ZNF804A: variants seen among roughly 807,000 people sequenced by gnomAD.
The protein encoded by ZNF804A is zinc finger protein 804A.
In ZNF804A, 2 loss-of-function variants were observed where a neutral mutation model predicts 16.5. The ratio of observed to expected loss-of-function variants is 0.12; its 90% CI spans 0.05 to 0.38. ZNF804A has a LOEUF of 0.38. Ranked by LOEUF, ZNF804A falls within the 10% of genes least tolerant of loss-of-function variation. The pLI, the probability that ZNF804A is intolerant of heterozygous loss-of-function variation, is 0.99. For synonymous variants in ZNF804A, 534 were observed against 489.6 expected (o/e 1.09, Z -1.20); for missense variants, 1,473 against 1,390.7 (o/e 1.06, Z -0.94).
intron 1 of ZNF804A, among the ~76,000 whole-genome samples, chr2:184,656,344 A>G (rs1692074022): frequency 6.6e-6 from 1 of 152,160 alleles, no homozygotes; most frequent in African/African-American, 2.4e-5. Context: ...GAGTGTTATT[A>G]CAGTGCATGG....
At chr2:184,633,048 C>T (rs1485454787) in intron 1 of ZNF804A, among the ~76,000 whole-genome samples, 2 of 152,176 alleles carry the variant, frequency 1.3e-5, no homozygotes, top group Non-Finnish European at 2.9e-5. Context: ...TGACAGCCCC[C>T]ACCCCACCCT....
At chr2:184,890,198 T>G (rs1684959003) in intron 2 of ZNF804A, among the ~76,000 whole-genome samples, 1 of 152,186 alleles carries the variant, frequency 6.6e-6, no homozygotes, top group Non-Finnish European at 1.5e-5. Context: ...TTTTTATAGC[T>G]GACTGGTAAT....
At chr2:184,715,144 C>G (rs1480477) in intron 1 of ZNF804A, among the ~76,000 whole-genome samples, 21,018 of 151,982 alleles carry the variant, frequency 0.14, 1,574 homozygotes, top group Middle Eastern at 0.23. Flanking sequence ...TTTTTGTAGT[C>G]TTCAGGATTC....
chr2:184,662,851 A>G (rs574856284), intron 1 of ZNF804A, among the ~76,000 whole-genome samples: 1 of 152,190 alleles, frequency 6.6e-6, no homozygotes. Context: ...TAATACATCA[A>G]GTATTTTTGA....
In ZNF804A at chr2:184,937,502, A is replaced by C. The variant is rs560810543; in HGVS notation, c.2106A>C (p.Gly702=). The C allele has an allele frequency of 1.9e-6, 3 of 1,612,482 alleles. No homozygotes were observed. In the East Asian group the frequency reaches 6.7e-5, roughly 36 times the overall value. ...HCKKNTILLN[G]QSNATMIHSG... ...AAAAGAACACAATACTTTTAAATGG[A>C]CAATCAAATGCAACAATGATACATT... The change falls in exon 4 of 4, where the codon GGA becomes GGC. Residue 702 remains glycine, a synonymous_variant. Transcript: ENST00000302277.
intron 1 of ZNF804A, among the ~76,000 whole-genome samples, chr2:184,855,484 A>G (rs1695671866): frequency 6.6e-6 from 1 of 152,020 alleles, no homozygotes; most frequent in Non-Finnish European, 1.5e-5. Context: ...TAACTTTTAT[A>G]GCATGTACTG....
chr2:184,886,519 C>A (rs1227378273), intron 2 of ZNF804A, among the ~76,000 whole-genome samples: 1 of 152,218 alleles, frequency 6.6e-6, no homozygotes, highest in Non-Finnish European at 1.5e-5. Context: ...ATCCCACATT[C>A]CCTTTCTGCA....
chr2:184,726,256 A>T (rs965242822), intron 1 of ZNF804A, among the ~76,000 whole-genome samples: 1 of 151,724 alleles, frequency 6.6e-6, no homozygotes, highest in Non-Finnish European at 1.5e-5. Flanking sequence ...CCAGCAATGT[A>T]TGAGTTTATC....
At chr2:184,810,288 T>C (rs1182366658) in intron 1 of ZNF804A, among the ~76,000 whole-genome samples, 1 of 152,092 alleles carries the variant, frequency 6.6e-6, no homozygotes, top group Non-Finnish European at 1.5e-5. Context: ...GATGATCATA[T>C]CCGGTTGTAA....
At chr2:184,782,765 G>C (rs1694391422) in intron 1 of ZNF804A, among the ~76,000 whole-genome samples, 1 of 143,342 alleles carries the variant, frequency 7.0e-6, no homozygotes, top group Non-Finnish European at 1.5e-5. Context: ...TTTCCAGTAA[G>C]GATTTTTTTT....
intron 1 of ZNF804A, among the ~76,000 whole-genome samples, chr2:184,785,472 T>C (rs531160966): frequency 6.6e-6 from 1 of 152,066 alleles, no homozygotes; most frequent in African/African-American, 2.4e-5. Flanking sequence ...ACCGCTGGTT[T>C]TCCTGATATT....
At chr2:184,825,684 A>G (rs1355854889) in intron 1 of ZNF804A, among the ~76,000 whole-genome samples, 2 of 152,116 alleles carry the variant, frequency 1.3e-5, no homozygotes, top group African/African-American at 4.8e-5. Context: ...AACCTAGGGA[A>G]TGTTCAAACA....
intron 1 of ZNF804A, among the ~76,000 whole-genome samples, chr2:184,814,751 G>A (rs1469860102): frequency 1.3e-5 from 2 of 151,916 alleles, no homozygotes; most frequent in East Asian, 1.9e-4. Context: ...TTTTTAAAAC[G>A]TGGGGACTTA....
intron 1 of ZNF804A, among the ~76,000 whole-genome samples, chr2:184,788,757 T>A (rs899172634): frequency 6.6e-6 from 1 of 152,022 alleles, no homozygotes; most frequent in Non-Finnish European, 1.5e-5. Flanking sequence ...TTTTCTAGTA[T>A]AAGATTATGT....
intron 1 of ZNF804A, among the ~76,000 whole-genome samples, chr2:184,719,160 C>T (rs953195035): frequency 6.6e-6 from 1 of 152,190 alleles, no homozygotes; most frequent in Non-Finnish European, 1.5e-5. Flanking sequence ...GGGGATTACA[C>T]CCTGAAGCAA....
chr2:184,785,432 T>G (rs1479760339), intron 1 of ZNF804A, among the ~76,000 whole-genome samples: 1 of 152,026 alleles, frequency 6.6e-6, no homozygotes, highest in Non-Finnish European at 1.5e-5. Flanking sequence ...CTATTAATTT[T>G]TTATCTGTTA....
chr2:184,661,778 C>G (rs1692179642), intron 1 of ZNF804A, among the ~76,000 whole-genome samples: 1 of 152,128 alleles, frequency 6.6e-6, no homozygotes, highest in Non-Finnish European at 1.5e-5. Context: ...CAGTCCCTGT[C>G]TGTCTAGGAA....
chr2:184,723,513 A>C (rs915390485), intron 1 of ZNF804A, among the ~76,000 whole-genome samples: 1 of 151,948 alleles, frequency 6.6e-6, no homozygotes, highest in Non-Finnish European at 1.5e-5. Flanking sequence ...AACTATAAAT[A>C]CTGAAGCTGA....
At chr2:184,711,974 A>T (rs1206208478) in intron 1 of ZNF804A, among the ~76,000 whole-genome samples, 1 of 151,730 alleles carries the variant, frequency 6.6e-6, no homozygotes, top group Admixed American at 6.6e-5. Flanking sequence ...TATGAATATT[A>T]GTATAATTAT....
Sources: gnomAD v4.1 joint callset for allele counts (sites outside exome capture counted in the v4.1 genomes callset) on GRCh38, gnomAD v4.1.1 for gene constraint, MANE v1.5 for transcripts, NCBI Gene and HGNC (gene_info 2026-07-23, HGNC 2026-07-21) for gene names.